The following TEC variants were observed in gnomAD, a reference collection of about 807,000 sequenced individuals.
TEC encodes the protein tyrosine-protein kinase Tec.
TEC carries 72 observed loss-of-function variants against 93.0 expected under a neutral mutation model. That is an observed-to-expected ratio of 0.77 (90% CI 0.64 to 0.94). The LOEUF (loss-of-function observed/expected upper bound fraction) is 0.94, where lower values mean the gene tolerates loss of function less well. Among genes scored for constraint, TEC ranks in the 40% least tolerant of loss-of-function variants. The probability of loss-of-function intolerance (pLI) is 0.00; values close to 1 mark genes in which losing one functional copy is unlikely to be tolerated. For synonymous variants in TEC, 249 were observed against 247.7 expected, an observed-to-expected ratio of 1.01 and a Z score of -0.05; for missense variants, 630 against 757.9, an observed-to-expected ratio of 0.83 and a Z score of 1.98.
chr4:48,203,897 A>T lies in TEC; in HGVS notation c.138+24580T>A, dbSNP rs574041136. On this transcript the variant is annotated intron_variant, in intron 2 of 17. Coordinates refer to ENST00000381501, the MANE Select transcript of TEC (RefSeq NM_003215.3). ...TACAGGCAGCACAGACACAGGGAGGAGCTGAGTATCCATGGGAATCTGTAC... is the reference window on the plus strand; with the variant it reads ...TACAGGCAGCACAGACACAGGGAGGTGCTGAGTATCCATGGGAATCTGTAC... 2.0e-5 allele frequency among the ~76,000 whole-genome samples: 3 copies of T among 152,206 alleles called. No individual in the cohort carries two copies. In the South Asian group the frequency reaches 6.2e-4, roughly 32 times the overall value.
intron 1 of TEC, among the ~76,000 whole-genome samples, chr4:48,251,693 A>AT (rs1724205174): frequency 6.6e-6 from 1 of 152,158 alleles, no homozygotes; most frequent in Admixed American, 6.5e-5. Context: ...GAGGACTCTA[A>AT]GGAGTATGCA....
intron 1 of TEC, among the ~76,000 whole-genome samples, chr4:48,269,465 G>C (rs79095942): frequency 1.5e-5 from 1 of 65,428 alleles, no homozygotes; most frequent in Non-Finnish European, 3.9e-5. Context: ...AGGGGCGGGT[G>C]TTCCTTAGGA....
chr4:48,249,638 T>C (rs982270079), intron 1 of TEC, among the ~76,000 whole-genome samples: 1 of 152,240 alleles, frequency 6.6e-6, no homozygotes, highest in Non-Finnish European at 1.5e-5. Context: ...TAATTACCTT[T>C]GGAGATTCCA....
intron 2 of TEC, among the ~76,000 whole-genome samples, chr4:48,182,673 T>C (rs1721641537): frequency 6.6e-6 from 1 of 152,014 alleles, no homozygotes; most frequent in African/African-American, 2.4e-5. Context: ...TAAGATGAAA[T>C]ATAACTTGCT....
intron 4 of TEC, 91 bp downstream of exon 4, chr4:48,171,277 C>A: frequency 2.0e-6 from 2 of 991,156 alleles, no homozygotes; most frequent in South Asian, 3.7e-5. Context: ...ATTACAAATG[C>A]AATAGATACA....
chr4:48,238,120 G>A (rs1417692698), intron 1 of TEC, among the ~76,000 whole-genome samples: 1 of 152,128 alleles, frequency 6.6e-6, no homozygotes, highest in Non-Finnish European at 1.5e-5. Flanking sequence ...AAAAATACTA[G>A]GATGAGTTCA....
At chr4:48,156,172 T>G (rs982839440) in intron 9 of TEC, among the ~76,000 whole-genome samples, 1 of 152,200 alleles carries the variant, frequency 6.6e-6, no homozygotes, top group Non-Finnish European at 1.5e-5. Context: ...AGTTTCAAGG[T>G]GTAGCGTGTA....
At position 48,154,540 on chromosome 4, in the gene TEC, T is replaced by A. The variant is rs115998790; in HGVS notation, c.792+2140A>T. ...AGTGTATAAAGAAAGGAAGATGAGT[T>A]TTTGGTGAAGAAGGCTACATAAAAG... On this transcript the variant is annotated intron_variant, in intron 9 of 17. Transcript: ENST00000381501. Among the ~76,000 whole-genome samples the A allele has an allele frequency of 7.1e-3, 1,088 of 152,248 alleles. 15 individuals carry two copies. The highest frequency in any genetic ancestry group is 0.025 in the African/African-American group (1,026 of 41,530).
Position 48,218,146 on chromosome 4 carries a change from A to C in TEC, c.138+10331T>G, listed in dbSNP as rs373460428. Among the ~76,000 whole-genome samples the C allele has an allele frequency of 5.6e-4, 86 of 152,324 alleles. No homozygotes were observed. The East Asian group carries it at 0.01, about 18-fold the overall frequency. On this transcript the variant is annotated intron_variant, in intron 2 of 17. Coordinates refer to ENST00000381501, the MANE Select transcript of TEC (RefSeq NM_003215.3). ...GAATCAGAAATGGGAGAAGAGATAC[A>C]AGAAAGGAAATTGAGACACAAAGAA...
chr4:48,191,612 G>A (rs771038573), intron 2 of TEC, among the ~76,000 whole-genome samples: 105 of 152,178 alleles, frequency 6.9e-4, no homozygotes, highest in Middle Eastern at 3.4e-3. Context: ...TCTTAAAACA[G>A]AATAATATTT....
intron 1 of TEC, among the ~76,000 whole-genome samples, chr4:48,252,606 C>T (rs1187742735): frequency 6.6e-6 from 1 of 152,192 alleles, no homozygotes; most frequent in African/African-American, 2.4e-5. Context: ...AAGAAACATT[C>T]TGTGAAGAGG....
At chr4:48,179,374 ATATTTT>A (rs1482443801) in intron 2 of TEC, among the ~76,000 whole-genome samples, 3 of 21,562 alleles carry the variant, frequency 1.4e-4, no homozygotes, top group African/African-American at 5.0e-4. Context: ...ATATATATAT[ATATTTT>A]TTTTTTTTTT....
chr4:48,137,511 AGTCAAAG>A lies in TEC; in HGVS notation c.1813-19_1813-13del, dbSNP rs757873089. 24 of 1,612,898 alleles carry A rather than the reference AGTCAAAG, an allele frequency of 1.5e-5. No individual in the cohort carries two copies. Among genetic ancestry groups the A allele is most frequent in the Non-Finnish European group, 1.9e-5 (22 of 1,179,152 alleles). ...CTTCCCTCTGGTTTCTACAATTAAA[AGTCAAAG>A]AGAAGCTGTGGGTTCCAGAATCCAT... On this transcript the variant is annotated splice_polypyrimidine_tract_variant and intron_variant, in intron 17 of 17. Transcript: ENST00000381501.
chr4:48,269,247 T>C (rs914668281), intron 1 of TEC, among the ~76,000 whole-genome samples: 2 of 152,260 alleles, frequency 1.3e-5, no homozygotes, highest in East Asian at 3.8e-4. Flanking sequence ...GCAGGTTTGT[T>C]ACATATGTAT....
intron 2 of TEC, among the ~76,000 whole-genome samples, chr4:48,220,146 A>AATGT (rs1723211064): frequency 1.3e-5 from 2 of 149,372 alleles, no homozygotes; most frequent in African/African-American, 4.9e-5. Flanking sequence ...CTCAATCTTA[A>AATGT]ATTCCTAAAT....
In TEC at chr4:48,137,627, C is replaced by T. The variant is rs186256172; in HGVS notation, c.1813-128G>A. 112 of 732,398 alleles carry T rather than the reference C, an allele frequency of 1.5e-4. No individual in the cohort carries two copies. In the African/African-American group the frequency reaches 1.6e-3, roughly 10 times the overall value. 45.4% of individuals were successfully genotyped at this position (732,398 alleles called of 1,614,324 possible). A position where few individuals can be genotyped will look rare whatever the true frequency, so the allele number is the denominator to read the frequency against. Reference sequence around the variant, plus strand: ...CTGCTTTGGGACTAGGACATACAGGCATCTCCAAAGGGGTCTTGTCTCTAC... The same window carrying T: ...CTGCTTTGGGACTAGGACATACAGGTATCTCCAAAGGGGTCTTGTCTCTAC... On this transcript the variant is annotated intron_variant, in intron 17 of 17. Coordinates refer to ENST00000381501, the MANE Select transcript of TEC (RefSeq NM_003215.3).
intron 4 of TEC, 70 bp downstream of exon 4, chr4:48,171,298 T>C: frequency 7.8e-7 from 1 of 1,275,086 alleles, no homozygotes; most frequent in African/African-American, 1.5e-5. Flanking sequence ...TTAGCTGTAT[T>C]TCTGTCTTAA....
chr4:48,191,605 TAAAAC>T (rs1235517934), intron 2 of TEC, among the ~76,000 whole-genome samples: 1 of 152,184 alleles, frequency 6.6e-6, no homozygotes, highest in Non-Finnish European at 1.5e-5. Flanking sequence ...TTCTTTCTCT[TAAAAC>T]AGAATAATAT....
rs950810588 is a variant in TEC, at chr4:48,163,609, G to A, written c.737+93C>T. 8.7e-6 allele frequency: 7 copies of A among 801,810 alleles called. No individual in the cohort carries two copies. The African/African-American group carries it at 1.1e-4, about 12-fold the overall frequency. The allele number at this position is 801,810 out of a possible 1,614,324, so 49.7% of individuals were successfully genotyped here. A position where few individuals can be genotyped will look rare whatever the true frequency, so the allele number is the denominator to read the frequency against. On this transcript the variant is annotated intron_variant, in intron 8 of 17. Coordinates refer to ENST00000381501, the MANE Select transcript of TEC (RefSeq NM_003215.3). ...TTTAGCACCCCCTTCAAAGAATCAT[G>A]AAAGATATCCATTAATCTTCAAAAT...
Sources: gnomAD v4.1 joint callset for allele counts (sites outside exome capture counted in the v4.1 genomes callset) on GRCh38, gnomAD v4.1.1 for gene constraint, MANE v1.5 for transcripts, NCBI Gene and HGNC (gene_info 2026-07-23, HGNC 2026-07-21) for gene names.